HS6ST3: variants seen among roughly 807,000 people sequenced by gnomAD.
The protein encoded by HS6ST3 is heparan-sulfate 6-O-sulfotransferase 3.
In HS6ST3, 12 loss-of-function variants were observed where a neutral mutation model predicts 36.7. The ratio of observed to expected loss-of-function variants is 0.33; its 90% CI spans 0.21 to 0.53. HS6ST3 has a LOEUF of 0.53. Ranked by LOEUF, HS6ST3 falls within the 20% of genes least tolerant of loss-of-function variation. HS6ST3 has a pLI of 0.95. For synonymous variants in HS6ST3, 240 were observed against 257.5 expected, an observed-to-expected ratio of 0.93 and a Z score of 0.65; for missense variants, 584 against 640.9, an observed-to-expected ratio of 0.91 and a Z score of 0.96.
intron 1 of HS6ST3, among the ~76,000 whole-genome samples, chr13:96,586,950 A>G (rs767837031): frequency 6.6e-6 from 1 of 152,108 alleles, no homozygotes; most frequent in Non-Finnish European, 1.5e-5. Flanking sequence ...TCTTCAATCC[A>G]TTTTGAGTTG....
At chr13:96,178,161 T>A (rs1472144898) in intron 1 of HS6ST3, among the ~76,000 whole-genome samples, 1 of 152,200 alleles carries the variant, frequency 6.6e-6, no homozygotes, top group African/African-American at 2.4e-5. Context: ...CACGAATTAA[T>A]ACTTCTGAGG....
At position 96,387,438 on chromosome 13, in the gene HS6ST3, C is replaced by T. The variant is rs1375287380; in HGVS notation, c.707+295869C>T. ...ATGGTTGAGCCATAATGTTATTCTG[C>T]ACAGGAATAATACTTCTTGTGGAGC... On this transcript the variant is annotated intron_variant, in intron 1 of 1. Transcript: ENST00000376705. Among the ~76,000 whole-genome samples the T allele has an allele frequency of 3.3e-5, 5 of 152,148 alleles. No individual in the cohort carries two copies. The South Asian group carries it at 8.3e-4, about 25-fold the overall frequency.
At chr13:96,197,534 G>C (rs752167723) in intron 1 of HS6ST3, among the ~76,000 whole-genome samples, 1 of 152,110 alleles carries the variant, frequency 6.6e-6, no homozygotes, top group Non-Finnish European at 1.5e-5. Flanking sequence ...GTCCCCCAAA[G>C]TCTTAACTCA....
chr13:96,170,327 C>T (rs188212007), intron 1 of HS6ST3, among the ~76,000 whole-genome samples: 12 of 152,296 alleles, frequency 7.9e-5, no homozygotes, highest in Admixed American at 4.6e-4. Context: ...CTTAAGGTGA[C>T]GCAGTTAATA....
intron 1 of HS6ST3, among the ~76,000 whole-genome samples, chr13:96,223,658 G>GT (rs890590501): frequency 6.6e-6 from 1 of 151,974 alleles, no homozygotes; most frequent in African/African-American, 2.4e-5. Flanking sequence ...GGATATGGGG[G>GT]GGGGGAAGTT....
Position 96,149,288 on chromosome 13 carries a change from C to T in HS6ST3, c.707+57719C>T, listed in dbSNP as rs1185062827. On this transcript the variant is annotated intron_variant, in intron 1 of 1. Transcript: ENST00000376705. ...CACTCTGAACTGTTAGTGCCTGCTTCGTTATGCTGTGTGTCAAAGGACACA... is the reference window on the plus strand; with the variant it reads ...CACTCTGAACTGTTAGTGCCTGCTTTGTTATGCTGTGTGTCAAAGGACACA... Among the ~76,000 whole-genome samples, 4 of 152,018 alleles carry T rather than the reference C, an allele frequency of 2.6e-5. No individual in the cohort carries two copies. The East Asian group carries it at 7.7e-4, about 29-fold the overall frequency.
chr13:96,440,507 A>AGGAAAGGAAAGGAAG (rs1555305178), intron 1 of HS6ST3, among the ~76,000 whole-genome samples: 2 of 144,348 alleles, frequency 1.4e-5, no homozygotes, highest in East Asian at 2.1e-4. Flanking sequence ...AGGAAAGGAA[A>AGGAAAGGAAAGGAAG]GGAAAGGAAA....
intron 1 of HS6ST3, among the ~76,000 whole-genome samples, chr13:96,648,814 C>G (rs944542448): frequency 6.6e-6 from 1 of 152,068 alleles, no homozygotes; most frequent in East Asian, 1.9e-4. Flanking sequence ...ATCCATGTCC[C>G]TGCAAAGGAC....
chr13:96,550,886 G>T (rs761975662), intron 1 of HS6ST3, among the ~76,000 whole-genome samples: 1 of 152,122 alleles, frequency 6.6e-6, no homozygotes, highest in Admixed American at 6.5e-5. Flanking sequence ...CTCCCAGGGA[G>T]AGTGAGTAGG....
intron 1 of HS6ST3, among the ~76,000 whole-genome samples, chr13:96,482,720 G>T (rs936617909): frequency 6.6e-6 from 1 of 152,172 alleles, no homozygotes; most frequent in Non-Finnish European, 1.5e-5. Flanking sequence ...AAGTGGATAA[G>T]ATAGAAATCT....
intron 1 of HS6ST3, among the ~76,000 whole-genome samples, chr13:96,664,376 AGTTTAACCAT>A (rs1212655155): frequency 2.0e-5 from 3 of 152,116 alleles, no homozygotes; most frequent in African/African-American, 7.2e-5. Context: ...TTTTATATTG[AGTTTAACCAT>A]ATGTCATTTC....
rs907564040 is a variant in HS6ST3 at position 96,257,590 on chromosome 13, CATT to C, written c.707+166022_707+166024del. Among the ~76,000 whole-genome samples, 5 of 152,120 alleles carry C rather than the reference CATT, an allele frequency of 3.3e-5. No homozygotes were observed. The East Asian group carries it at 5.8e-4, about 18-fold the overall frequency. On this transcript the variant is annotated intron_variant, in intron 1 of 1. Transcript: ENST00000376705. ...TATAATAATAGTAGCTACTTCATAA[CATT>C]GTTGTTAATTCATTTATAAATTAAC...
chr13:96,644,994 T>G (rs1389238738), intron 1 of HS6ST3, among the ~76,000 whole-genome samples: 1 of 151,968 alleles, frequency 6.6e-6, no homozygotes, highest in Non-Finnish European at 1.5e-5. Context: ...AAATACTAAC[T>G]GTTTGAATTC....
intron 1 of HS6ST3, among the ~76,000 whole-genome samples, chr13:96,238,377 G>A (rs2054544612): frequency 1.3e-5 from 2 of 152,128 alleles, no homozygotes; most frequent in South Asian, 4.1e-4. Context: ...CAGCCAAAGT[G>A]CTTTCTTTTT....
At chr13:96,385,259 G>A (rs920002959) in intron 1 of HS6ST3, among the ~76,000 whole-genome samples, 2 of 150,504 alleles carry the variant, frequency 1.3e-5, no homozygotes, top group East Asian at 3.9e-4. Flanking sequence ...TCCAAAGAAA[G>A]AATATAAGTG....
intron 1 of HS6ST3, among the ~76,000 whole-genome samples, chr13:96,106,573 T>G (rs183626882): frequency 4.0e-5 from 6 of 151,790 alleles, no homozygotes; most frequent in Middle Eastern, 3.4e-3. Flanking sequence ...AAAAACAGAG[T>G]AGGGTGATAT....
At chr13:96,108,963 C>G (rs1245063501) in intron 1 of HS6ST3, among the ~76,000 whole-genome samples, 1 of 151,676 alleles carries the variant, frequency 6.6e-6, no homozygotes, top group African/African-American at 2.4e-5. Flanking sequence ...CTATCTCTAT[C>G]TCTATCTCTA....
chr13:96,180,547 T>G lies in HS6ST3; in HGVS notation c.707+88978T>G, dbSNP rs201405758. Among the ~76,000 whole-genome samples, 570 of 149,656 alleles carry G rather than the reference T, an allele frequency of 3.8e-3. 6 individuals are homozygous for G. Among genetic ancestry groups the G allele is most frequent in the African/African-American group, 0.013 (544 of 40,722 alleles). On this transcript the variant is annotated intron_variant, in intron 1 of 1. Transcript: ENST00000376705. ...TAAATATTTATTAAACTTTTCAGCG[T>G]TTTTAATGATATCAAAAGAATCTTG...
intron 1 of HS6ST3, among the ~76,000 whole-genome samples, chr13:96,415,932 T>C (rs2055530738): frequency 6.6e-6 from 1 of 152,236 alleles, no homozygotes; most frequent in African/African-American, 2.4e-5. Flanking sequence ...GTTAGTTGAC[T>C]ATTAAAACTG....
Sources: allele counts gnomAD v4.1 joint callset (sites outside exome capture counted in the v4.1 genomes callset), GRCh38; gene constraint gnomAD v4.1.1; transcripts MANE v1.5; gene names NCBI Gene and HGNC (gene_info 2026-07-23, HGNC 2026-07-21).